BICRA: variants seen among roughly 807,000 people sequenced by gnomAD.
BICRA encodes BRD4 interacting chromatin remodeling complex associated protein, also known as BRD4-interacting chromatin-remodeling complex-associated protein.
BICRA carries 31 observed loss-of-function variants against 96.9 expected under a neutral mutation model. That is an observed-to-expected ratio of 0.32 (90% CI 0.24 to 0.43). BICRA has a LOEUF of 0.43. Among genes scored for constraint, BICRA ranks in the 20% least tolerant of loss-of-function variants. The pLI is 1.00. For synonymous variants in BICRA, 1,350 were observed against 1,071.8 expected, an observed-to-expected ratio of 1.26 and a Z score of -5.07; for missense variants, 2,283 against 2,190.3, an observed-to-expected ratio of 1.04 and a Z score of -0.84.
At chr19:47,640,946 C>G (rs1330834122) in intron 1 of BICRA, among the ~76,000 whole-genome samples, 1 of 137,828 alleles carries the variant, frequency 7.3e-6, no homozygotes, top group East Asian at 2.3e-4. Context: ...GTCACCCAGG[C>G]TGGAGTGCAG....
chr19:47,608,918 C>T (rs1378215827), upstream of BICRA, among the ~76,000 whole-genome samples: 15 of 140,044 alleles, frequency 1.1e-4, no homozygotes, highest in Admixed American at 2.8e-4. Context: ...TTTCCGTTTG[C>T]ATTTAATTAA....
At chr19:47,634,825 C>CGATCT (rs1972275632) in intron 1 of BICRA, among the ~76,000 whole-genome samples, 1 of 143,974 alleles carries the variant, frequency 6.9e-6, no homozygotes, top group Admixed American at 7.1e-5. Context: ...TGCAGTGGCG[C>CGATCT]GATCTCGGCT....
chr19:47,694,904 C>T lies in BICRA; in HGVS notation c.2900C>T (p.Pro967Leu), dbSNP rs200681973. ...ATCCACCTGTCCCCTCCTCAGGTGC[C>T]GTCCGGAATCATCCTCCAGAACAAG... ...KALLERFHQV[P>L]SGIILQNKAG... is the part of the protein sequence containing the mutation. The change falls in exon 9 of 15, where the codon CCG becomes CTG. Residue 967 changes from proline (P) to leucine (L), a missense_variant. By Grantham distance (98) the Pro-to-Leu change is moderately conservative. Transcript: ENST00000594866. 30 of 1,511,686 alleles carry T rather than the reference C, an allele frequency of 2.0e-5. No individual in the cohort carries two copies. The highest frequency in any genetic ancestry group is 2.5e-5 in the Non-Finnish European group (28 of 1,136,392). 93.6% of individuals were successfully genotyped at this position (1,511,686 alleles called of 1,614,324 possible). A position where few individuals can be genotyped will look rare whatever the true frequency, so the allele number is the denominator to read the frequency against.
chr19:47,624,542 A>G (rs1972112115), intron 1 of BICRA, among the ~76,000 whole-genome samples: 1 of 152,220 alleles, frequency 6.6e-6, no homozygotes, highest in East Asian at 1.9e-4. Context: ...AAATATGCTG[A>G]TACTGACATG....
intron 1 of BICRA, among the ~76,000 whole-genome samples, chr19:47,661,249 A>G (rs890681350): frequency 2.0e-5 from 3 of 148,978 alleles, no homozygotes; most frequent in African/African-American, 7.4e-5. Context: ...CTTAGTAAGC[A>G]TTCAGCAACC....
intron 1 of BICRA, among the ~76,000 whole-genome samples, chr19:47,647,475 T>G (rs983388998): frequency 6.6e-6 from 1 of 152,118 alleles, no homozygotes; most frequent in Non-Finnish European, 1.5e-5. Context: ...TCTGGGTTGT[T>G]TCAGTTTAGG....
In BICRA at chr19:47,678,355, A is replaced by T. The variant is rs1041292391; in HGVS notation, c.151-966A>T. ...GGTCTCAAACTCCTAGGCTCAAGTG[A>T]TCCACCTGCCTCTGCCTCCCAAAGT... On this transcript the variant is annotated intron_variant, in intron 5 of 14. Transcript: ENST00000594866. 3.9e-5 allele frequency among the ~76,000 whole-genome samples: 6 copies of T among 152,124 alleles called. No individual in the cohort carries two copies. In the East Asian group the frequency reaches 1.2e-3, roughly 29 times the overall value.
intron 1 of BICRA, among the ~76,000 whole-genome samples, chr19:47,630,298 C>T (rs1972203643): frequency 6.6e-6 from 1 of 151,638 alleles, no homozygotes; most frequent in South Asian, 2.1e-4. Context: ...GTAGCTGGGA[C>T]TATAGGCGTC....
chr19:47,646,098 C>CA (rs915048816), intron 1 of BICRA, among the ~76,000 whole-genome samples: 7 of 150,420 alleles, frequency 4.7e-5, no homozygotes, highest in South Asian at 2.1e-4. Context: ...ACCCTGTCTC[C>CA]AAAAAAAGAA....
rs1599846678 is a variant in BICRA at position 47,679,584 on chromosome 19, T to C, written c.414T>C (p.Asp138=). 1 of 1,540,238 alleles carries C rather than the reference T, an allele frequency of 6.5e-7. No homozygotes were observed. The highest frequency in any genetic ancestry group is 8.7e-7 in the Non-Finnish European group (1 of 1,142,926). ...PFQLPTLQPA[D]GGAGPTGAGG... is the part of the protein sequence containing the mutation. ...AGCTGCCCACCCTGCAGCCTGCGGA[T>C]GGCGGGGCAGGCCCGACGGGCGCTG... Residue 138 remains aspartate (D), a synonymous_variant, in exon 6 of 15, where the codon GAT becomes GAC. Transcript: ENST00000594866.
chr19:47,627,825 A>G (rs1401454619), intron 1 of BICRA, among the ~76,000 whole-genome samples: 1 of 152,120 alleles, frequency 6.6e-6, no homozygotes, highest in Non-Finnish European at 1.5e-5. Flanking sequence ...GCTGGAGTGC[A>G]GTGGCACGAT....
Position 47,702,056 on chromosome 19 carries a change from C to T in BICRA, c.4324C>T (p.Arg1442Cys). 4 of 1,510,192 alleles carry T rather than the reference C, an allele frequency of 2.6e-6. No individual in the cohort carries two copies. Among genetic ancestry groups the T allele is most frequent in the African/African-American group, 1.4e-5 (1 of 69,560 alleles). The allele number at this position is 1,510,192 out of a possible 1,614,324, so 93.5% of individuals were successfully genotyped here. Residue 1442 changes from arginine to cysteine, a missense_variant, in exon 15 of 15, where the codon CGT (arginine) becomes TGT (cysteine). Physicochemically the swap from Arg to Cys is radical, Grantham distance 180. Coordinates refer to ENST00000594866, the MANE Select transcript of BICRA (RefSeq NM_001394372.1). ...LAAVEDELYQRMLKGPPPEPA... is the reference protein window; with the variant it reads ...LAAVEDELYQCMLKGPPPEPA... ...GGCCGTGGAGGACGAGCTGTACCAG[C>T]GTATGCTGAAGGGCCCCCCGCCAGA...
At chr19:47,659,803 G>A (rs1292815948) in intron 1 of BICRA, among the ~76,000 whole-genome samples, 1 of 151,862 alleles carries the variant, frequency 6.6e-6, no homozygotes, top group Non-Finnish European at 1.5e-5. Context: ...AGGCTGTGGT[G>A]CAGTGGCATG....
chr19:47,647,830 C>G (rs1273871183), intron 1 of BICRA, among the ~76,000 whole-genome samples: 1 of 151,866 alleles, frequency 6.6e-6, no homozygotes, highest in East Asian at 1.9e-4. Flanking sequence ...GCACGGGGAT[C>G]CTGTCCACGA....
At chr19:47,630,705 G>A (rs530955285) in intron 1 of BICRA, among the ~76,000 whole-genome samples, 6 of 152,238 alleles carry the variant, frequency 3.9e-5, no homozygotes, top group South Asian at 4.2e-4. Context: ...TATTGTGAAC[G>A]ACGTTGCTGT....
At chr19:47,646,924 C>G (rs1972468371) in intron 1 of BICRA, among the ~76,000 whole-genome samples, 2 of 152,186 alleles carry the variant, frequency 1.3e-5, no homozygotes. Context: ...AAAAGAAACT[C>G]TGCATCCCTT....
chr19:47,627,555 T>C (rs1416832566), intron 1 of BICRA, among the ~76,000 whole-genome samples: 1 of 152,180 alleles, frequency 6.6e-6, no homozygotes, highest in East Asian at 1.9e-4. Flanking sequence ...TGCTAGCACT[T>C]CTGCGAAGAT....
intron 1 of BICRA, among the ~76,000 whole-genome samples, chr19:47,621,466 CT>C (rs751401159): frequency 0.02 from 2,721 of 134,924 alleles, 56 homozygotes; most frequent in African/African-American, 0.05. Context: ...ATTTTTTAGT[CT>C]TTTTTTTTTT....
rs58327756 is a variant in BICRA at position 47,661,213 on chromosome 19, C to CA, written c.-107-9214dup. On this transcript the variant is annotated intron_variant, in intron 1 of 14. Coordinates refer to ENST00000594866, the MANE Select transcript of BICRA (RefSeq NM_001394372.1). ...TGGGTGACTGAGCGAGACTCCGTCT[C>CA]AAAAAAAAAAAAAAAAGACGAAGTA... Among the ~76,000 whole-genome samples the CA allele has an allele frequency of 4.4e-4, 34 of 76,460 alleles. 2 individuals carry two copies. Among genetic ancestry groups the CA allele is most frequent in the South Asian group, 1.1e-3 (2 of 1,822 alleles). The allele number at this position is 76,460 out of a possible 152,430, so 50.2% of individuals were successfully genotyped here. A position where few individuals can be genotyped will look rare whatever the true frequency, so the allele number is the denominator to read the frequency against.
Sources: allele counts gnomAD v4.1 joint callset (sites outside exome capture counted in the v4.1 genomes callset), GRCh38; gene constraint gnomAD v4.1.1; transcripts MANE v1.5; gene names NCBI Gene and HGNC (gene_info 2026-07-23, HGNC 2026-07-21).